Variants in GIT2 observed in about 807,000 individuals in gnomAD.
The protein encoded by GIT2 is ARF GTPase-activating protein GIT2.
In GIT2, 32 loss-of-function variants were observed where a neutral mutation model predicts 100.3. The ratio of observed to expected loss-of-function variants is 0.32; its 90% confidence interval spans 0.24 to 0.43. The LOEUF (loss-of-function observed/expected upper bound fraction) is 0.43, where lower values mean the gene tolerates loss of function less well. Among genes scored for constraint, GIT2 ranks in the 20% least tolerant of loss-of-function variants. The pLI is 1.00. For synonymous variants in GIT2, 353 were observed against 364.1 expected, an observed-to-expected ratio of 0.97 and a Z score of 0.35; for missense variants, 737 against 975.1, an observed-to-expected ratio of 0.76 and a Z score of 3.25.
intron 16 of GIT2, chr12:109,940,230 C>T (rs1019073536): frequency 5.3e-5 from 8 of 152,160 alleles, no homozygotes; most frequent in African/African-American, 1.2e-4. Flanking sequence ...TCTAGGGTGA[C>T]GAAATTTGAA....
intron 17 of GIT2, 173 bp from the exon 18 acceptor site, chr12:109,938,741 T>C (rs1336897486): frequency 5.4e-6 from 3 of 550,640 alleles, no homozygotes; most frequent in East Asian, 3.0e-5. Flanking sequence ...GCTATTTCAC[T>C]CTACCATAGG....
chr12:109,930,810 GT>G lies in GIT2; in HGVS notation c.*2167del, dbSNP rs1871512465. The G allele has an allele frequency of 6.6e-6, 1 of 152,224 alleles. No individual in the cohort carries two copies. The highest frequency in any genetic ancestry group is 2.4e-5 in the African/African-American group (1 of 41,422). 9.4% of individuals were successfully genotyped at this position (152,224 alleles called of 1,614,324 possible). On this transcript the variant is annotated 3_prime_UTR_variant, in exon 20 of 20. Coordinates refer to ENST00000355312, the MANE Select transcript of GIT2 (RefSeq NM_057169.5). ...TTCCCAGAAGCCTCTACAGAAGCCC[GT>G]CCTCCCTGGGACAGCAGGGGCAGGG...
intron 7 of GIT2, among the ~76,000 whole-genome samples, chr12:109,974,879 T>C (rs1455874290): frequency 6.6e-6 from 1 of 152,154 alleles, no homozygotes; most frequent in Non-Finnish European, 1.5e-5. Flanking sequence ...CCAACAATAA[T>C]TGTAGATTTG....
intron 7 of GIT2, among the ~76,000 whole-genome samples, chr12:109,977,287 G>C (rs1322068197): frequency 6.6e-6 from 1 of 152,188 alleles, no homozygotes; most frequent in African/African-American, 2.4e-5. Flanking sequence ...CAGGTGGGTG[G>C]ATTACTTGAG....
rs1032091352 is a variant in GIT2, at chr12:109,996,166, G to T, written c.52+7C>A. On this transcript the variant is annotated splice_region_variant and intron_variant, in intron 1 of 19. Coordinates refer to ENST00000355312, the MANE Select transcript of GIT2 (RefSeq NM_057169.5). ...AGAGGGGAGCGGGCCCGGCCGGTGC[G>T]ACTCACCCGGCCCGCTGCAGTCAGC... 2 of 1,509,590 alleles carry T rather than the reference G, an allele frequency of 1.3e-6. No individual in the cohort carries two copies. Among genetic ancestry groups the T allele is most frequent in the Admixed American group, 2.1e-5 (1 of 48,422 alleles). 93.5% of individuals were successfully genotyped at this position (1,509,590 alleles called of 1,614,324 possible). A position where few individuals can be genotyped will look rare whatever the true frequency, so the allele number is the denominator to read the frequency against.
upstream of GIT2, among the ~76,000 whole-genome samples, chr12:110,000,035 A>C (rs1335330697): frequency 1.3e-5 from 2 of 152,186 alleles, no homozygotes; most frequent in Non-Finnish European, 2.9e-5. Context: ...TCCACTGGAC[A>C]GAGAAGGAAA....
chr12:109,957,680 A>T (rs374030867), intron 12 of GIT2, among the ~76,000 whole-genome samples: 1 of 150,772 alleles, frequency 6.6e-6, no homozygotes, highest in East Asian at 2.0e-4. Flanking sequence ...CTAATTTTTT[A>T]TATTTTTAGT....
At chr12:109,996,105 G>A (rs769217891) in intron 1 of GIT2, 68 bp downstream of exon 1, 61 of 1,013,884 alleles carry the variant, frequency 6.0e-5, no homozygotes, top group Non-Finnish European at 8.1e-5. Context: ...TGACCTGAGG[G>A]GGCGGCCCCG....
At chr12:109,967,025 C>T (rs984181495) in intron 8 of GIT2, among the ~76,000 whole-genome samples, 3 of 152,150 alleles carry the variant, frequency 2.0e-5, no homozygotes, top group Admixed American at 6.5e-5. Context: ...TATAGAGTGT[C>T]CACAGATGCT....
At chr12:109,945,138 A>T (rs1207117314) in intron 16 of GIT2, 122 bp downstream of exon 16, 1 of 641,380 alleles carries the variant, frequency 1.6e-6, no homozygotes, top group Non-Finnish European at 2.9e-6. Context: ...ACCAGGAGGA[A>T]GTGCTGCCTC....
intron 7 of GIT2, among the ~76,000 whole-genome samples, chr12:109,969,438 A>G (rs1188237869): frequency 6.6e-6 from 1 of 152,168 alleles, no homozygotes; most frequent in African/African-American, 2.4e-5. Context: ...AAGTGCTGGG[A>G]TTACAGGTGT....
intron 4 of GIT2, among the ~76,000 whole-genome samples, chr12:109,987,808 G>T (rs1440063749): frequency 6.6e-6 from 1 of 152,172 alleles, no homozygotes; most frequent in East Asian, 1.9e-4. Context: ...AAGTTCTCAT[G>T]CTCTGTGTGA....
chr12:109,937,379 TGAAG>T (rs1873347105), intron 18 of GIT2, among the ~76,000 whole-genome samples: 1 of 152,198 alleles, frequency 6.6e-6, no homozygotes. Flanking sequence ...GTGCAAGGCG[TGAAG>T]AAAGTTCTTC....
At position 109,948,402 on chromosome 12, in the gene GIT2, T is replaced by C. The variant is rs971462294; in HGVS notation, c.1393-898A>G. On this transcript the variant is annotated intron_variant, in intron 14 of 19. Transcript: ENST00000355312. The surrounding 1 kb of genome is among the most constrained non-coding windows in gnomAD (Gnocchi z 4.3). ...TGGCACCACCCCATTTTAGAGACTG[T>C]CACTTGGAGGCCCTGAATGCTCCTT... 3 of 999,366 alleles carry C rather than the reference T, an allele frequency of 3.0e-6. No individual in the cohort carries two copies. Among genetic ancestry groups the C allele is most frequent in the Non-Finnish European group, 3.6e-6 (3 of 839,398 alleles). 61.9% of individuals were successfully genotyped at this position (999,366 alleles called of 1,614,324 possible). A position where few individuals can be genotyped will look rare whatever the true frequency, so the allele number is the denominator to read the frequency against.
chr12:109,996,634 T>G (rs1428455386), upstream of GIT2, among the ~76,000 whole-genome samples: 3 of 152,368 alleles, frequency 2.0e-5, no homozygotes, highest in Middle Eastern at 0.01. Flanking sequence ...AGTTCATTCA[T>G]TCATTCCTTG....
At position 109,956,602 on chromosome 12, in the gene GIT2, G is replaced by A. The variant is rs185248670; in HGVS notation, c.1099+3245C>T. Among the ~76,000 whole-genome samples the A allele has an allele frequency of 1.4e-4, 21 of 152,160 alleles. No homozygotes were observed. In the East Asian group the frequency reaches 4.1e-3, roughly 29 times the overall value. On this transcript the variant is annotated intron_variant, in intron 12 of 19. Transcript: ENST00000355312. ...GCAAGTAGATGAATTTGTAAATATG[G>A]GATGTGCACATGAGGATCAATTGTG...
intron 4 of GIT2, 41 bp from the exon 5 acceptor site, chr12:109,983,735 T>C: frequency 1.5e-6 from 2 of 1,321,644 alleles, no homozygotes; most frequent in Non-Finnish European, 2.2e-6. Context: ...TGGTTAGAGG[T>C]GTAAAGAATG....
At chr12:109,958,045 C>T (rs957866792) in intron 12 of GIT2, among the ~76,000 whole-genome samples, 2 of 151,756 alleles carry the variant, frequency 1.3e-5, no homozygotes, top group Admixed American at 6.6e-5. Context: ...CCCAGGTTCA[C>T]GCCATTCTCC....
chr12:109,969,341 G>C (rs1248534870), intron 7 of GIT2, among the ~76,000 whole-genome samples: 1 of 151,494 alleles, frequency 6.6e-6, no homozygotes, highest in African/African-American at 2.4e-5. Flanking sequence ...CTAACTTTTT[G>C]TATTTAGTAG....
Sources: allele counts gnomAD v4.1 joint callset (sites outside exome capture counted in the v4.1 genomes callset), GRCh38; gene constraint gnomAD v4.1.1; non-coding constraint Gnocchi (gnomAD v3.1); transcripts MANE v1.5; gene names NCBI Gene and HGNC (gene_info 2026-07-23, HGNC 2026-07-21).